KIF12: variants seen among roughly 807,000 people sequenced by gnomAD.
The protein encoded by KIF12 is kinesin-like protein KIF12.
In KIF12, 80 loss-of-function variants were observed where a neutral mutation model predicts 87.9. The observed-to-expected ratio is 0.91, with a 90% CI of 0.76 to 1.10. The LOEUF is 1.10. Among genes scored for constraint, KIF12 ranks in the 50% least tolerant of loss-of-function variants. The probability of loss-of-function intolerance (pLI) is 0.00; values close to 1 mark genes in which losing one functional copy is unlikely to be tolerated. For missense variants in KIF12, 819 were observed against 865.3 expected, an observed-to-expected ratio of 0.95 and a Z score of 0.67; for synonymous variants, 353 against 348.5, an observed-to-expected ratio of 1.01 and a Z score of -0.14.
intron 17 of KIF12, 42 bp downstream of exon 17, chr9:114,092,500 A>G: frequency 1.9e-6 from 3 of 1,613,500 alleles, no homozygotes; most frequent in Non-Finnish European, 8.5e-7. Flanking sequence ...TGAGTTCCCC[A>G]GACCACCCCT....
At position 114,098,296 on chromosome 9, in the gene KIF12, A is replaced by C; in HGVS notation, c.299+6T>G. On this transcript the variant is annotated splice_donor_region_variant and intron_variant, in intron 4 of 18. Coordinates refer to ENST00000640217, the MANE Select transcript of KIF12 (RefSeq NM_001388308.1). ...CGGCGCGGAGCGGAGGCGAAGCTTC[A>C]CTCACCCGCGCAGCGCCAGCTCCCC... The C allele has an allele frequency of 6.8e-7, 1 of 1,475,624 alleles. No homozygotes were observed. The highest frequency in any genetic ancestry group is 8.9e-7 in the Non-Finnish European group (1 of 1,118,334). The allele number at this position is 1,475,624 out of a possible 1,614,324, so 91.4% of individuals were successfully genotyped here.
chr9:114,097,260 G>C lies in KIF12; in HGVS notation c.646+41C>G, dbSNP rs774913341. 9 of 1,594,262 alleles carry C rather than the reference G, an allele frequency of 5.6e-6. No individual in the cohort carries two copies. In the African/African-American group the frequency reaches 1.2e-4, roughly 22 times the overall value. On this transcript the variant is annotated intron_variant, in intron 7 of 18. Coordinates refer to ENST00000640217, the MANE Select transcript of KIF12 (RefSeq NM_001388308.1). ...CACACTCAGTGAACAACTGAGGAAT[G>C]GGCACCCCTACCCGCAAAACTCCCC...
chr9:114,093,118 C>T, intron 16 of KIF12, 111 bp downstream of exon 16: 1 of 1,207,386 alleles, frequency 8.3e-7, no homozygotes, highest in Non-Finnish European at 1.2e-6. Flanking sequence ...CATTCACTCC[C>T]CATGATCTAG....
Position 114,097,365 on chromosome 9 carries a change from A to G in KIF12, c.582T>C (p.Tyr194=). The G allele has an allele frequency of 6.2e-7, 1 of 1,610,008 alleles. No individual in the cohort carries two copies. Among genetic ancestry groups the G allele is most frequent in the Non-Finnish European group, 8.5e-7 (1 of 1,179,076 alleles). ...PVRWNKTRGF[Y]VEQLRVVEFG... Reference sequence around the variant, plus strand: ...ATTCCACCACCCGCAGCTGCTCCACATAGAAGCCCCGAGTCTTGTTCCAGC... The same window carrying G: ...ATTCCACCACCCGCAGCTGCTCCACGTAGAAGCCCCGAGTCTTGTTCCAGC... Residue 194 remains tyrosine, a synonymous_variant, in exon 7 of 19, where the codon TAT becomes TAC. Coordinates refer to ENST00000640217, the MANE Select transcript of KIF12 (RefSeq NM_001388308.1).
Position 114,096,186 on chromosome 9 carries a change from C to T in KIF12, c.760G>A (p.Asp254Asn). Reference protein sequence around the residue: ...RQTAQQMPSVDPGEPPVGGKL... With the variant: ...RQTAQQMPSVNPGEPPVGGKL... The stretch of plus-strand genomic sequence containing the variant: ...CCACCAACAGGGGGCTCCCCAGGGT[C>T]CACAGAAGGCATCTGCTGGGCCTGA... Residue 254 changes from aspartate to asparagine, a missense_variant, in exon 9 of 19, where the codon GAC (aspartate) becomes AAC (asparagine). By Grantham distance (23) the Asp-to-Asn change is conservative. Transcript: ENST00000640217. The T allele has an allele frequency of 6.2e-7, 1 of 1,613,938 alleles. No homozygotes were observed. Among genetic ancestry groups the T allele is most frequent in the Non-Finnish European group, 8.5e-7 (1 of 1,179,998 alleles).
Position 114,091,859 on chromosome 9 carries a change from C to T in KIF12, c.*2G>A. Reference sequence around the variant, plus strand: ...GCAGTCTCCTGGGTTCCCACTTGGCCTTCAATGGGGAGGGAGGACTTGGCC... The same window carrying T: ...GCAGTCTCCTGGGTTCCCACTTGGCTTTCAATGGGGAGGGAGGACTTGGCC... On this transcript the variant is annotated 3_prime_UTR_variant, in exon 19 of 19. Transcript: ENST00000640217. 2 of 1,595,748 alleles carry T rather than the reference C, an allele frequency of 1.3e-6. No homozygotes were observed. Among genetic ancestry groups the T allele is most frequent in the East Asian group, 2.3e-5 (1 of 44,286 alleles).
intron 9 of KIF12, 115 bp from the exon 10 acceptor site, chr9:114,095,447 T>C: frequency 9.1e-7 from 1 of 1,095,820 alleles, no homozygotes; most frequent in South Asian, 1.6e-5. Flanking sequence ...AAAACCCATC[T>C]TTCCACATGA....
chr9:114,098,504 A>AGGGGCGGGGCACCGG, intron 3 of KIF12, 75 bp from the exon 4 acceptor site: 7 of 401,242 alleles, frequency 1.7e-5, no homozygotes, highest in Admixed American at 2.1e-4. Flanking sequence ...GGCACCGTGG[A>AGGGGCGGGGCACCGG]GGAGGGCGGG....
At position 114,098,060 on chromosome 9, in the gene KIF12, G is replaced by C. The variant is rs943981788; in HGVS notation, c.375+55C>G. On this transcript the variant is annotated intron_variant, in intron 5 of 18. Coordinates refer to ENST00000640217, the MANE Select transcript of KIF12 (RefSeq NM_001388308.1). ...AGTCTGCGCCGCCTGCGGCTCCCCA[G>C]GGCTTCCAGCCCACCCAGCCCCGCC... The C allele has an allele frequency of 4.0e-6, 6 of 1,498,352 alleles. No individual in the cohort carries two copies. In the Admixed American group the frequency reaches 1.4e-4, roughly 35 times the overall value. The allele number at this position is 1,498,352 out of a possible 1,614,324, so 92.8% of individuals were successfully genotyped here. A position where few individuals can be genotyped will look rare whatever the true frequency, so the allele number is the denominator to read the frequency against.
chr9:114,098,314 AGCTCCCCCAGGCGCCGCAC>A lies in KIF12; in HGVS notation c.268_286del (p.Val90TrpfsTer24). On this transcript the variant is annotated frameshift_variant, in exon 4 of 19. Transcript: ENST00000640217. LOFTEE classifies it high-confidence loss of function. ...AAGCTTCACTCACCCGCGCAGCGCC[AGCTCCCCCAGGCGCCGCAC>A]GCCGCACGCCCGGAACACGTCCTCC... 6.8e-7 allele frequency: 1 copy of A among 1,466,946 alleles called. No individual in the cohort carries two copies. Among genetic ancestry groups the A allele is most frequent in the Non-Finnish European group, 9.0e-7 (1 of 1,114,550 alleles). The allele number at this position is 1,466,946 out of a possible 1,614,324, so 90.9% of individuals were successfully genotyped here.
rs778450965 is a variant in KIF12 at position 114,097,717 on chromosome 9, T to G, written c.400A>C (p.Ser134Arg). 5 of 1,614,012 alleles carry G rather than the reference T, an allele frequency of 3.1e-6. No homozygotes were observed. In the South Asian group the frequency reaches 5.5e-5, roughly 18 times the overall value. The change falls in exon 6 of 19, where the codon AGC (serine) becomes CGC (arginine). Residue 134 changes from serine to arginine, a missense_variant. Transcript: ENST00000640217. Reference sequence around the variant, plus strand: ...GTCCTCTGCATGATGCCAGCCAGGCTGGGGGGTACAGGCACCCCCTCCCCC... The same window carrying G: ...GTCCTCTGCATGATGCCAGCCAGGCGGGGGGGTACAGGCACCCCCTCCCCC... ...PQGEGVPVPPSLAGIMQRTFA... is the reference protein window; with the variant it reads ...PQGEGVPVPPRLAGIMQRTFA...
At chr9:114,093,148 TG>T in intron 16 of KIF12, 80 bp downstream of exon 16, 1 of 1,314,890 alleles carries the variant, frequency 7.6e-7, no homozygotes, top group Non-Finnish European at 1.1e-6. Context: ...CTGGAATCCC[TG>T]GGGCTCTGGA....
At chr9:114,093,993 G>C in intron 13 of KIF12, 21 bp from the exon 14 acceptor site, 5 of 1,607,874 alleles carry the variant, frequency 3.1e-6, no homozygotes, top group Non-Finnish European at 4.3e-6. Flanking sequence ...TCACAAGCCA[G>C]GAAGGGGTAG....
Position 114,093,024 on chromosome 9 carries a change from T to C in KIF12, c.1596+205A>G. ...ATAAGTGAATGACAGAATGAATTCC[T>C]GGCCCTGACAGGGCAGGGTGAGGAG... is the stretch of plus-strand genomic sequence containing the variant. On this transcript the variant is annotated intron_variant, in intron 16 of 18. Transcript: ENST00000640217. 3 of 1,256,928 alleles carry C rather than the reference T, an allele frequency of 2.4e-6. No homozygotes were observed. In the South Asian group the frequency reaches 4.7e-5, roughly 20 times the overall value. The allele number at this position is 1,256,928 out of a possible 1,614,324, so 77.9% of individuals were successfully genotyped here. A position where few individuals can be genotyped will look rare whatever the true frequency, so the allele number is the denominator to read the frequency against.
rs1191584274 is a variant in KIF12 at position 114,098,443 on chromosome 9, G to A, written c.172-14C>T. ...TGGAGGACTCACCTGGCGCGGGTGG[G>A]GCGGAGGAGCGGGGCACTCTGGAGG... On this transcript the variant is annotated splice_polypyrimidine_tract_variant and intron_variant, in intron 3 of 18. Transcript: ENST00000640217. The A allele has an allele frequency of 1.4e-6, 2 of 1,425,998 alleles. No individual in the cohort carries two copies. Among genetic ancestry groups the A allele is most frequent in the Non-Finnish European group, 1.8e-6 (2 of 1,086,142 alleles). The allele number at this position is 1,425,998 out of a possible 1,614,324, so 88.3% of individuals were successfully genotyped here.
chr9:114,094,353 C>T lies in KIF12; in HGVS notation c.1222G>A (p.Ala408Thr). 6.2e-7 allele frequency: 1 copy of T among 1,613,124 alleles called. No individual in the cohort carries two copies. The highest frequency in any genetic ancestry group is 8.5e-7 in the Non-Finnish European group (1 of 1,179,168). The change falls in exon 12 of 19, where the codon GCC (alanine) becomes ACC (threonine). Residue 408 changes from alanine (A) to threonine (T), a missense_variant and splice_region_variant. Ala to Thr is a moderately conservative substitution (Grantham distance 58). Transcript: ENST00000640217. ...TACTCTGCCTCCAGGAAGCCCATAC[C>T]CTTGCAGTCCATTTGGTCCAGCTGG... The part of the protein sequence containing the change: ...QFQLDQMDCK[A>T]SGLSGARVAW...
At chr9:114,092,146 C>G in intron 18 of KIF12, 146 bp from the exon 19 acceptor site, 8 of 1,417,876 alleles carry the variant, frequency 5.6e-6, no homozygotes, top group Non-Finnish European at 7.4e-6. Flanking sequence ...ACCATGGGCT[C>G]CAACATACAT....
At chr9:114,092,239 C>A in intron 18 of KIF12, 94 bp downstream of exon 18, 1 of 1,484,564 alleles carries the variant, frequency 6.7e-7, no homozygotes, top group Non-Finnish European at 9.0e-7. Flanking sequence ...AACACCCACC[C>A]CATTTCAGAG....
Position 114,092,591 on chromosome 9 carries a change from G to A in KIF12, c.1648C>T (p.Pro550Ser). ...CCAGGGCTGCATGGGGGTGCCCAGG[G>A]TGGGGGCCGGGCAGATGGGGGCCTG... ...GGRPPSARPPPWAPPCSPGSA... is the reference protein window; with the variant it reads ...GGRPPSARPPSWAPPCSPGSA... The change falls in exon 17 of 19, where the codon CCC (proline) becomes TCC (serine). Residue 550 changes from proline (P) to serine (S), a missense_variant. Pro to Ser is a moderately conservative substitution (Grantham distance 74, BLOSUM62 -1). Coordinates refer to ENST00000640217, the MANE Select transcript of KIF12 (RefSeq NM_001388308.1). The A allele has an allele frequency of 6.2e-7, 1 of 1,605,824 alleles. No homozygotes were observed. The highest frequency in any genetic ancestry group is 2.2e-5 in the East Asian group (1 of 44,736).
Sources: allele counts gnomAD v4.1 joint callset, GRCh38; gene constraint gnomAD v4.1.1; transcripts MANE v1.5; gene names NCBI Gene and HGNC (gene_info 2026-07-23, HGNC 2026-07-21).